RREB1: variants seen among roughly 807,000 people sequenced by gnomAD.
RREB1 encodes ras-responsive element-binding protein 1.
Under a neutral mutation model 117.8 loss-of-function variants are expected in RREB1, and 27 were observed. That is an observed-to-expected ratio of 0.23 (90% CI 0.17 to 0.32). The LOEUF (loss-of-function observed/expected upper bound fraction) is 0.32. Ranked by LOEUF, RREB1 falls within the 10% of genes least tolerant of loss-of-function variation. The probability of loss-of-function intolerance (pLI) is 1.00; values close to 1 mark genes in which losing one functional copy is unlikely to be tolerated. For missense variants in RREB1, 2,577 were observed against 2,378.2 expected, an observed-to-expected ratio of 1.08 and a Z score of -1.74; for synonymous variants, 1,298 against 1,026.7, an observed-to-expected ratio of 1.26 and a Z score of -5.05.
chr6:7,157,006 G>C (rs1444159219), intron 1 of RREB1, among the ~76,000 whole-genome samples: 1 of 152,206 alleles, frequency 6.6e-6, no homozygotes, highest in African/African-American at 2.4e-5. Context: ...TTGTCTGTCT[G>C]ACTGCCGCTG....
intron 1 of RREB1, among the ~76,000 whole-genome samples, chr6:7,120,510 T>C (rs756710898): frequency 1.3e-5 from 2 of 151,904 alleles, no homozygotes; most frequent in South Asian, 4.1e-4. Flanking sequence ...TATGTAACAG[T>C]GAGAAACAGA....
At chr6:7,220,706 T>C (rs1297315297) in intron 8 of RREB1, among the ~76,000 whole-genome samples, 1 of 152,210 alleles carries the variant, frequency 6.6e-6, no homozygotes, top group African/African-American at 2.4e-5. Flanking sequence ...CAAAACGAAA[T>C]TGTCCTACAG....
At chr6:7,247,525 C>T (rs1450387154) in intron 12 of RREB1, among the ~76,000 whole-genome samples, 3 of 152,148 alleles carry the variant, frequency 2.0e-5, no homozygotes, top group Non-Finnish European at 2.9e-5. Flanking sequence ...GTAACAGCTG[C>T]CCTGTTTCAT....
At chr6:7,172,700 G>T (rs532066284) in intron 1 of RREB1, among the ~76,000 whole-genome samples, 1 of 101,228 alleles carries the variant, frequency 9.9e-6, no homozygotes, top group East Asian at 2.3e-4. Flanking sequence ...GTGGGGGGGT[G>T]GGGGTGACTT....
intron 6 of RREB1, among the ~76,000 whole-genome samples, chr6:7,200,234 A>ATGTGTGTATATGTG (rs1765882173): frequency 8.0e-6 from 1 of 125,196 alleles, no homozygotes; most frequent in East Asian, 2.4e-4. Context: ...ATATATATGT[A>ATGTGTGTATATGTG]TGTGTGTATA....
At chr6:7,241,242 C>T (rs1359764409) in intron 11 of RREB1, among the ~76,000 whole-genome samples, 2 of 152,220 alleles carry the variant, frequency 1.3e-5, no homozygotes, top group African/African-American at 4.8e-5. Flanking sequence ...AACGGCTGCC[C>T]GATACGTCTT....
rs577068869 is a variant in RREB1 at position 7,231,342 on chromosome 6, G to A, written c.3243G>A (p.Leu1081=). 6.2e-7 allele frequency: 1 copy of A among 1,611,900 alleles called. No homozygotes were observed. Among genetic ancestry groups the A allele is most frequent in the South Asian group, 1.1e-5 (1 of 90,952 alleles). The change falls in exon 10 of 13, where the codon CTG becomes CTA. Residue 1081 remains leucine, a synonymous_variant. Transcript: ENST00000379938. The part of the protein sequence containing the change: ...IISSVSSAPT[L]LKTKVADPGP... ...CATCTGTATCCTCGGCCCCCACCCTGCTGAAAACCAAGGTGGCGGACCCAG... is the reference window on the plus strand; with the variant it reads ...CATCTGTATCCTCGGCCCCCACCCTACTGAAAACCAAGGTGGCGGACCCAG...
intron 1 of RREB1, among the ~76,000 whole-genome samples, chr6:7,174,292 C>T (rs563609202): frequency 9.9e-5 from 15 of 152,020 alleles, no homozygotes; most frequent in African/African-American, 3.4e-4. Context: ...CAAACAGCCT[C>T]GTGAACTCTG....
chr6:7,233,104 C>T (rs1327366933), intron 10 of RREB1, among the ~76,000 whole-genome samples: 2 of 152,078 alleles, frequency 1.3e-5, no homozygotes, highest in African/African-American at 4.8e-5. Flanking sequence ...CCATGTTGGC[C>T]AGACTGGTCT....
At chr6:7,145,994 T>A (rs1269446270) in intron 1 of RREB1, among the ~76,000 whole-genome samples, 2 of 151,782 alleles carry the variant, frequency 1.3e-5, no homozygotes, top group East Asian at 3.9e-4. Context: ...TCTCTTTCCC[T>A]ACCCCCTACG....
At chr6:7,145,776 A>G (rs1021648512) in intron 1 of RREB1, among the ~76,000 whole-genome samples, 39 of 151,210 alleles carry the variant, frequency 2.6e-4, no homozygotes, top group African/African-American at 9.3e-4. Context: ...GACCAAAATT[A>G]TGGGTTTATT....
intron 1 of RREB1, among the ~76,000 whole-genome samples, chr6:7,125,984 G>GT (rs994335858): frequency 1.8e-5 from 2 of 110,676 alleles, no homozygotes; most frequent in African/African-American, 5.5e-5. Context: ...GAGAAGGACT[G>GT]TTTTTTGTTT....
intron 1 of RREB1, among the ~76,000 whole-genome samples, chr6:7,164,852 CAAG>C (rs1443943438): frequency 1.3e-5 from 2 of 152,238 alleles, no homozygotes; most frequent in Non-Finnish European, 2.9e-5. Flanking sequence ...TTTGCTTGTG[CAAG>C]GACATGGTGT....
chr6:7,138,140 A>T (rs180689319), intron 1 of RREB1, among the ~76,000 whole-genome samples: 125 of 152,324 alleles, frequency 8.2e-4, no homozygotes, highest in African/African-American at 2.8e-3. Context: ...AGAAAAAAAG[A>T]AAAGAAAGAA....
intron 1 of RREB1, among the ~76,000 whole-genome samples, chr6:7,136,620 AGG>A (rs1762358407): frequency 6.6e-6 from 1 of 152,242 alleles, no homozygotes; most frequent in African/African-American, 2.4e-5. Flanking sequence ...TAATTAACTT[AGG>A]AGTACAAATG....
At position 7,246,485 on chromosome 6, in the gene RREB1, G is replaced by A. The variant is rs1456758996; in HGVS notation, c.4035G>A (p.Arg1345=). 4 of 1,542,470 alleles carry A rather than the reference G, an allele frequency of 2.6e-6. No homozygotes were observed. Among genetic ancestry groups the A allele is most frequent in the Non-Finnish European group, 3.5e-6 (4 of 1,143,412 alleles). The change falls in exon 12 of 13, where the codon CGG becomes CGA. Residue 1345 remains arginine (R), a synonymous_variant. Coordinates refer to ENST00000379938, the MANE Select transcript of RREB1 (RefSeq NM_001003699.4). ...GCGAAGTGCTAGACCTCACCTCACG[G>A]GACAGAGAGCAGCCGTCGGAGGGCG... ...AAGEVLDLTS[R]DREQPSEGAT...
chr6:7,126,300 T>C (rs1204406504), intron 1 of RREB1, among the ~76,000 whole-genome samples: 1 of 147,978 alleles, frequency 6.8e-6, no homozygotes, highest in Admixed American at 6.7e-5. Flanking sequence ...GCGCCCGGCC[T>C]CGATTCCCCC....
At chr6:7,206,356 A>G (rs1368747738) in intron 6 of RREB1, among the ~76,000 whole-genome samples, 1 of 152,240 alleles carries the variant, frequency 6.6e-6, no homozygotes, top group Non-Finnish European at 1.5e-5. Context: ...GGCAAGTTAT[A>G]AGATGTCCTG....
intron 8 of RREB1, chr6:7,219,233 G>A (rs546536243): frequency 2.0e-5 from 3 of 151,742 alleles, no homozygotes; most frequent in Admixed American, 2.0e-4. Flanking sequence ...TCGCACCACT[G>A]CACTCCCTCC....
Sources: gnomAD v4.1 joint callset for allele counts (sites outside exome capture counted in the v4.1 genomes callset) on GRCh38, gnomAD v4.1.1 for gene constraint, MANE v1.5 for transcripts, NCBI Gene and HGNC (gene_info 2026-07-23, HGNC 2026-07-21) for gene names.